CC2D2B: variants seen among roughly 807,000 people sequenced by gnomAD.
CC2D2B encodes the protein coiled-coil and C2 domain containing 2B.
In CC2D2B, 128 loss-of-function variants were observed where a neutral mutation model predicts 161.2. The ratio of observed to expected loss-of-function variants is 0.79; its 90% CI spans 0.69 to 0.92. The LOEUF (loss-of-function observed/expected upper bound fraction) is 0.92, where lower values mean the gene tolerates loss of function less well. Among genes scored for constraint, CC2D2B ranks in the 40% least tolerant of loss-of-function variants. The probability of loss-of-function intolerance (pLI) is 0.00; values close to 1 mark genes in which losing one functional copy is unlikely to be tolerated. For missense variants in CC2D2B, 1,173 were observed against 1,375.1 expected (o/e 0.85, Z 2.32); for synonymous variants, 391 against 449.8 (o/e 0.87, Z 1.65).
intron 12 of CC2D2B, among the ~76,000 whole-genome samples, chr10:95,963,213 T>C (rs1032091604): frequency 6.6e-6 from 1 of 152,156 alleles, no homozygotes; most frequent in African/African-American, 2.4e-5. Context: ...GTTAAAAATA[T>C]CATTCTGATC....
chr10:95,935,000 A>G (rs2075766484), intron 6 of CC2D2B, among the ~76,000 whole-genome samples: 1 of 152,056 alleles, frequency 6.6e-6, no homozygotes, highest in Non-Finnish European at 1.5e-5. Context: ...CCTCCCGAGT[A>G]GCTAGGATTA....
chr10:95,995,265 G>C lies in CC2D2B; in HGVS notation c.2643-4G>C, dbSNP rs1157424486. On this transcript the variant is annotated splice_polypyrimidine_tract_variant and splice_region_variant and intron_variant, in intron 22 of 34. Transcript: ENST00000646931. ...TGTATGTCTCTCTATTGTTTTTCCTGAAGATCCTTGGATATGCCTACTTGT... is the reference window on the plus strand; with the variant it reads ...TGTATGTCTCTCTATTGTTTTTCCTCAAGATCCTTGGATATGCCTACTTGT... 6.7e-7 allele frequency: 1 copy of C among 1,499,456 alleles called. No individual in the cohort carries two copies. The highest frequency in any genetic ancestry group is 2.2e-5 in the Admixed American group (1 of 45,892). The allele number at this position is 1,499,456 out of a possible 1,614,324, so 92.9% of individuals were successfully genotyped here. A position where few individuals can be genotyped will look rare whatever the true frequency, so the allele number is the denominator to read the frequency against.
At chr10:95,940,866 G>GA (rs1041518066) in intron 9 of CC2D2B, among the ~76,000 whole-genome samples, 25 of 151,450 alleles carry the variant, frequency 1.7e-4, no homozygotes, top group African/African-American at 4.6e-4. Flanking sequence ...TACAGAAATG[G>GA]AAAAAAAATC....
At chr10:95,995,203 C>A in intron 22 of CC2D2B, 66 bp from the exon 23 acceptor site, 1 of 857,604 alleles carries the variant, frequency 1.2e-6, no homozygotes, top group Non-Finnish European at 1.7e-6. Flanking sequence ...AAAAACCCAC[C>A]CACTCCTACC....
At chr10:95,931,654 A>G (rs1379205916) in intron 6 of CC2D2B, among the ~76,000 whole-genome samples, 2 of 152,186 alleles carry the variant, frequency 1.3e-5, no homozygotes, top group Non-Finnish European at 2.9e-5. Context: ...GTAGTCATTC[A>G]GGAGCAGGTT....
rs1490879768 is a variant in CC2D2B at position 96,000,642 on chromosome 10, G to C, written c.2850-3510G>C. Among the ~76,000 whole-genome samples, 6 of 152,280 alleles carry C rather than the reference G, an allele frequency of 3.9e-5. No individual in the cohort carries two copies. In the South Asian group the frequency reaches 1.2e-3, roughly 32 times the overall value. On this transcript the variant is annotated intron_variant, in intron 24 of 34. Coordinates refer to ENST00000646931, the MANE Select transcript of CC2D2B (RefSeq NM_001349008.3). ...GCCTCCCAAAGTGCTGGGATTACAG[G>C]TGTGAGCCACCGTGCCCGGCCTGTC... is the stretch of plus-strand genomic sequence containing the variant.
intron 24 of CC2D2B, among the ~76,000 whole-genome samples, chr10:95,997,448 T>G (rs749374302): frequency 7.8e-4 from 118 of 152,146 alleles, no homozygotes; most frequent in Middle Eastern, 3.4e-3. Flanking sequence ...TGAAGTGCAG[T>G]TGTATAATCA....
chr10:95,997,190 A>G (rs573221953), intron 24 of CC2D2B, among the ~76,000 whole-genome samples: 3 of 152,170 alleles, frequency 2.0e-5, no homozygotes, highest in Non-Finnish European at 4.4e-5. Flanking sequence ...TTTTATTTCT[A>G]TATTGTATTC....
intron 34 of CC2D2B, 61 bp from the exon 35 acceptor site, chr10:96,031,759 C>A: frequency 1.5e-6 from 2 of 1,363,800 alleles, no homozygotes; most frequent in South Asian, 1.3e-5. Context: ...TTTTTGCATA[C>A]AGTAATTCCA....
intron 22 of CC2D2B, among the ~76,000 whole-genome samples, chr10:95,994,656 C>A (rs1057097651): frequency 6.6e-6 from 1 of 152,202 alleles, no homozygotes. Flanking sequence ...AGCCCTCAAG[C>A]GGCCCTTATG....
intron 22 of CC2D2B, among the ~76,000 whole-genome samples, chr10:95,994,843 T>A (rs1478228949): frequency 1.3e-5 from 2 of 152,354 alleles, no homozygotes; most frequent in East Asian, 3.8e-4. Context: ...TCCATGATCA[T>A]CTCTATATCT....
intron 22 of CC2D2B, 67 bp from the exon 23 acceptor site, chr10:95,995,202 C>A: frequency 1.2e-6 from 1 of 855,534 alleles, no homozygotes; most frequent in Non-Finnish European, 1.7e-6. Flanking sequence ...GAAAAACCCA[C>A]CCACTCCTAC....
At chr10:95,929,061 A>G (rs189867358) in intron 6 of CC2D2B, among the ~76,000 whole-genome samples, 4 of 152,116 alleles carry the variant, frequency 2.6e-5, no homozygotes, top group African/African-American at 9.6e-5. Flanking sequence ...TCCAGCATCC[A>G]TTCTTTCCTG....
At chr10:95,909,873 G>A (rs773673915) in intron 1 of CC2D2B, among the ~76,000 whole-genome samples, 11 of 152,210 alleles carry the variant, frequency 7.2e-5, no homozygotes, top group Non-Finnish European at 1.3e-4. Flanking sequence ...TAGGCAAAGC[G>A]CAGTGGCTCA....
intron 22 of CC2D2B, among the ~76,000 whole-genome samples, chr10:95,993,455 T>C (rs2078032615): frequency 6.6e-6 from 1 of 152,304 alleles, no homozygotes; most frequent in African/African-American, 2.4e-5. Flanking sequence ...CTTACATTTA[T>C]GCCTACCACA....
chr10:96,004,002 C>T, intron 24 of CC2D2B, 150 bp from the exon 25 acceptor site: 1 of 526,574 alleles, frequency 1.9e-6, no homozygotes, highest in Non-Finnish European at 3.3e-6. Flanking sequence ...AGGTAGCAGC[C>T]AGTCTTCAGA....
At chr10:96,010,020 C>A in intron 26 of CC2D2B, 97 bp downstream of exon 26, 1 of 716,404 alleles carries the variant, frequency 1.4e-6, no homozygotes, top group South Asian at 1.8e-5. Flanking sequence ...GATTGGCAGG[C>A]TGGTAGGTCA....
chr10:95,918,643 A>T (rs548906791), intron 2 of CC2D2B, among the ~76,000 whole-genome samples: 3 of 152,254 alleles, frequency 2.0e-5, no homozygotes, highest in Admixed American at 6.5e-5. Flanking sequence ...TTGTATTTTA[A>T]TGTTAACATC....
At chr10:96,015,757 G>GGT (rs1246190286) in intron 29 of CC2D2B, among the ~76,000 whole-genome samples, 1 of 152,038 alleles carries the variant, frequency 6.6e-6, no homozygotes, top group African/African-American at 2.4e-5. Context: ...TCCTTTCTTT[G>GGT]AGTTGACAGT....
Sources: gnomAD v4.1 joint callset for allele counts (sites outside exome capture counted in the v4.1 genomes callset) on GRCh38, gnomAD v4.1.1 for gene constraint, MANE v1.5 for transcripts, NCBI Gene and HGNC (gene_info 2026-07-23, HGNC 2026-07-21) for gene names.